ACOT13: variants seen among roughly 807,000 people sequenced by gnomAD.
The protein encoded by ACOT13 is acyl-CoA thioesterase 13.
ACOT13 carries 10 observed loss-of-function variants against 11.8 expected under a neutral mutation model. The observed-to-expected ratio is 0.85, with a 90% CI of 0.53 to 1.44. The LOEUF is 1.44. Ranked by LOEUF, ACOT13 falls within the 40% of genes most tolerant of loss-of-function variation. The pLI, the probability that ACOT13 is intolerant of heterozygous loss-of-function variation, is 0.00. For missense variants in ACOT13, 172 were observed against 174.1 expected (o/e 0.99, Z 0.07); for synonymous variants, 53 against 61.0 (o/e 0.87, Z 0.61).
intron 1 of ACOT13, among the ~76,000 whole-genome samples, chr6:24,682,300 G>C (rs150178699): frequency 6.6e-6 from 1 of 152,240 alleles, no homozygotes; most frequent in Admixed American, 6.5e-5. Context: ...AAATGTTACC[G>C]GGGGTCCTTG....
intron 1 of ACOT13, among the ~76,000 whole-genome samples, chr6:24,692,242 G>A (rs866712551): frequency 2.0e-5 from 3 of 152,124 alleles, no homozygotes; most frequent in African/African-American, 4.8e-5. Context: ...AGTTCACGAC[G>A]TCACCAAATG....
intron 1 of ACOT13, among the ~76,000 whole-genome samples, chr6:24,682,251 A>G (rs1394401975): frequency 2.6e-5 from 4 of 152,232 alleles, no homozygotes; most frequent in Non-Finnish European, 5.9e-5. Flanking sequence ...AAGTGGTCCA[A>G]TATTACTCAC....
intron 2 of ACOT13, among the ~76,000 whole-genome samples, chr6:24,699,979 T>C (rs1339281782): frequency 6.6e-6 from 1 of 152,220 alleles, no homozygotes; most frequent in Non-Finnish European, 1.5e-5. Flanking sequence ...AAGTTAGAGA[T>C]ATTTCAAAAG....
intron 1 of ACOT13, among the ~76,000 whole-genome samples, chr6:24,686,099 A>G (rs569480288): frequency 1.2e-4 from 18 of 152,284 alleles, no homozygotes; most frequent in Admixed American, 2.0e-4. Context: ...TATAAAGATC[A>G]CTTTTAAATT....
chr6:24,704,442 C>A lies in ACOT13; in HGVS notation c.*2827C>A, dbSNP rs1466709487. On this transcript the variant is annotated 3_prime_UTR_variant, in exon 3 of 3. Coordinates refer to ENST00000230048, the MANE Select transcript of ACOT13 (RefSeq NM_018473.4). The stretch of plus-strand genomic sequence containing the variant: ...AAATTAAGAGCATAGGCCTTAAGAG[C>A]CAGCCAGCCTGGTTTTAAATCCTCC... 6.6e-6 allele frequency: 1 copy of A among 152,160 alleles called. No individual in the cohort carries two copies. The highest frequency in any genetic ancestry group is 2.4e-5 in the African/African-American group (1 of 41,436). The allele number at this position is 152,160 out of a possible 1,614,324, so 9.4% of individuals were successfully genotyped here. A position where few individuals can be genotyped will look rare whatever the true frequency, so the allele number is the denominator to read the frequency against.
intron 1 of ACOT13, among the ~76,000 whole-genome samples, chr6:24,689,595 A>G (rs985470314): frequency 1.3e-5 from 2 of 152,216 alleles, no homozygotes; most frequent in Non-Finnish European, 2.9e-5. Flanking sequence ...AACACCCTTT[A>G]AGAAAATTTT....
At chr6:24,699,376 ATTTG>A (rs989808267) in intron 2 of ACOT13, among the ~76,000 whole-genome samples, 1 of 151,780 alleles carries the variant, frequency 6.6e-6, no homozygotes, top group Non-Finnish European at 1.5e-5. Flanking sequence ...TGCCCGACTA[ATTTG>A]TTTGTATTTT....
chr6:24,698,390 A>G lies in ACOT13; in HGVS notation c.266+323A>G, dbSNP rs375783176. On this transcript the variant is annotated intron_variant, in intron 2 of 2. Coordinates refer to ENST00000230048, the MANE Select transcript of ACOT13 (RefSeq NM_018473.4). ...CTCATAACTGTTTCATACAGTCCTT[A>G]AAAGTGCCATTCAGGGCCAGACGCA... Among the ~76,000 whole-genome samples, 115 of 152,326 alleles carry G rather than the reference A, an allele frequency of 7.5e-4. 1 individual carries two copies. The highest frequency in any genetic ancestry group is 3.4e-3 in the Middle Eastern group (1 of 294).
At chr6:24,697,828 T>G (rs1211551248) in intron 1 of ACOT13, 55 bp from the exon 2 acceptor site, 1 of 1,437,542 alleles carries the variant, frequency 7.0e-7, no homozygotes, top group Non-Finnish European at 9.3e-7. Flanking sequence ...ATGGGCTTTT[T>G]TGGCTTTTCT....
intron 1 of ACOT13, among the ~76,000 whole-genome samples, chr6:24,669,839 T>C (rs1778329553): frequency 6.6e-6 from 1 of 152,192 alleles, no homozygotes; most frequent in Non-Finnish European, 1.5e-5. Context: ...TGAAAGTGGC[T>C]TATGCGTGTA....
chr6:24,692,050 A>G (rs1018046833), intron 1 of ACOT13, among the ~76,000 whole-genome samples: 7 of 152,212 alleles, frequency 4.6e-5, no homozygotes, highest in African/African-American at 1.7e-4. Context: ...GTCAGTTGCA[A>G]CAGCTCAGGA....
At position 24,704,313 on chromosome 6, in the gene ACOT13, C is replaced by G. The variant is rs572912297; in HGVS notation, c.*2698C>G. 1.3e-5 allele frequency: 2 copies of G among 152,182 alleles called. No individual in the cohort carries two copies. The highest frequency in any genetic ancestry group is 2.9e-5 in the Non-Finnish European group (2 of 68,016). 9.4% of individuals were successfully genotyped at this position (152,182 alleles called of 1,614,324 possible). On this transcript the variant is annotated 3_prime_UTR_variant, in exon 3 of 3. Coordinates refer to ENST00000230048, the MANE Select transcript of ACOT13 (RefSeq NM_018473.4). ...AACAGCTTTCATATTACTCTGGTAACTTTTCTAAATTATTCCAAAATAAAA... is the reference window on the plus strand; with the variant it reads ...AACAGCTTTCATATTACTCTGGTAAGTTTTCTAAATTATTCCAAAATAAAA...
At chr6:24,674,069 G>GT (rs1778406471) in intron 1 of ACOT13, among the ~76,000 whole-genome samples, 1 of 151,624 alleles carries the variant, frequency 6.6e-6, no homozygotes, top group Non-Finnish European at 1.5e-5. Context: ...TTGTTTGTTT[G>GT]TTTTTTATCT....
intron 1 of ACOT13, among the ~76,000 whole-genome samples, chr6:24,674,416 T>C (rs1242331911): frequency 1.3e-5 from 2 of 151,532 alleles, no homozygotes; most frequent in Non-Finnish European, 1.5e-5. Context: ...TGTTTGTTTT[T>C]TTGTTTTTTT....
intron 1 of ACOT13, among the ~76,000 whole-genome samples, chr6:24,690,210 T>A (rs1318695649): frequency 6.6e-6 from 1 of 152,298 alleles, no homozygotes; most frequent in South Asian, 2.1e-4. Context: ...CATCCCCTCC[T>A]GGGAACTACC....
At chr6:24,699,334 C>A (rs866723102) in intron 2 of ACOT13, among the ~76,000 whole-genome samples, 1 of 151,848 alleles carries the variant, frequency 6.6e-6, no homozygotes. Flanking sequence ...CTCAGCCTCC[C>A]GAGTAGCTGG....
chr6:24,696,806 C>T (rs1239708634), intron 1 of ACOT13, among the ~76,000 whole-genome samples: 2 of 151,524 alleles, frequency 1.3e-5, no homozygotes, highest in Non-Finnish European at 2.9e-5. Flanking sequence ...GACTGAGTCT[C>T]CCTCTGTCAT....
chr6:24,692,649 G>A (rs1167846092), intron 1 of ACOT13, among the ~76,000 whole-genome samples: 2 of 152,096 alleles, frequency 1.3e-5, no homozygotes, highest in African/African-American at 2.4e-5. Flanking sequence ...AAACTCCTGG[G>A]CTCAAGCAAT....
At chr6:24,689,441 G>A (rs924783661) in intron 1 of ACOT13, among the ~76,000 whole-genome samples, 17 of 152,090 alleles carry the variant, frequency 1.1e-4, no homozygotes, top group Non-Finnish European at 2.4e-4. Context: ...GGGCAAAATA[G>A]AGAGACCCCA....
Sources: gnomAD v4.1 joint callset for allele counts (sites outside exome capture counted in the v4.1 genomes callset) on GRCh38, gnomAD v4.1.1 for gene constraint, MANE v1.5 for transcripts, NCBI Gene and HGNC (gene_info 2026-07-23, HGNC 2026-07-21) for gene names.